RPH3A: variants seen among roughly 807,000 people sequenced by gnomAD.
RPH3A encodes the protein rabphilin-3A.
RPH3A carries 48 observed loss-of-function variants against 102.2 expected under a neutral mutation model. The observed-to-expected ratio is 0.47, with a 90% CI of 0.37 to 0.60. The LOEUF is 0.60. RPH3A is among the 20% of genes least tolerant of loss of function. The pLI is 0.00. For synonymous variants in RPH3A, 310 were observed against 324.3 expected, an observed-to-expected ratio of 0.96 and a Z score of 0.47; for missense variants, 781 against 910.1, an observed-to-expected ratio of 0.86 and a Z score of 1.83.
intron 1 of RPH3A, among the ~76,000 whole-genome samples, chr12:112,595,629 C>A (rs2039511165): frequency 6.6e-6 from 1 of 152,088 alleles, no homozygotes; most frequent in African/African-American, 2.4e-5. Context: ...ACCCCCCTAA[C>A]CACAATAAAA....
chr12:112,643,104 C>T (rs1401127195), intron 1 of RPH3A, among the ~76,000 whole-genome samples: 1 of 152,164 alleles, frequency 6.6e-6, no homozygotes, highest in African/African-American at 2.4e-5. Context: ...GTAACTTGCC[C>T]GAACTCACAC....
intron 1 of RPH3A, among the ~76,000 whole-genome samples, chr12:112,590,339 A>T (rs2039468679): frequency 6.6e-6 from 1 of 152,166 alleles, no homozygotes; most frequent in Non-Finnish European, 1.5e-5. Context: ...CTCGGAGACC[A>T]CCCTGCTGAA....
intron 2 of RPH3A, among the ~76,000 whole-genome samples, chr12:112,805,479 C>T (rs2041441548): frequency 6.6e-6 from 1 of 152,104 alleles, no homozygotes; most frequent in Admixed American, 6.5e-5. Context: ...TTTTTCACTG[C>T]CTGGGAAATG....
intron 1 of RPH3A, among the ~76,000 whole-genome samples, chr12:112,616,367 G>A (rs938988094): frequency 2.6e-5 from 4 of 152,090 alleles, no homozygotes; most frequent in Middle Eastern, 3.2e-3. Flanking sequence ...GGCTGGTCTC[G>A]AACTCCTGAC....
chr12:112,703,698 T>C (rs953604167), intron 1 of RPH3A, among the ~76,000 whole-genome samples: 4 of 152,182 alleles, frequency 2.6e-5, no homozygotes, highest in African/African-American at 9.7e-5. Context: ...ACAGTTTCTT[T>C]ATCTCCCTGT....
intron 1 of RPH3A, among the ~76,000 whole-genome samples, chr12:112,756,641 C>T (rs889784346): frequency 2.0e-5 from 3 of 152,202 alleles, no homozygotes; most frequent in Non-Finnish European, 4.4e-5. Context: ...TTTGGATACA[C>T]TAATCACCTA....
In RPH3A at chr12:112,724,052, ATTTTTTTT is replaced by A. The variant is rs146271090; in HGVS notation, c.-139-68078_-139-68071del. ...CTTAACTTTTTCTTAAATTTTTTTG[ATTTTTTTT>A]TTTTTTTTTTTTGGAGACAGGATCT... On this transcript the variant is annotated intron_variant, in intron 1 of 21. Coordinates refer to the RPH3A transcript ENST00000543106. 5.0e-3 allele frequency among the ~76,000 whole-genome samples: 586 copies of A among 117,326 alleles called. 7 individuals carry two copies. Among genetic ancestry groups the A allele is most frequent in the African/African-American group, 0.018 (558 of 31,150 alleles). 77.0% of individuals were successfully genotyped at this position (117,326 alleles called of 152,430 possible). A position where few individuals can be genotyped will look rare whatever the true frequency, so the allele number is the denominator to read the frequency against.
At position 112,888,072 on chromosome 12, in the gene RPH3A, G is replaced by A. The variant is rs982192913; in HGVS notation, c.1563+149G>A. ...TCTGCAGAGGAGAGTCAAGATTCCA[G>A]CTCACAACCTCAGGCTGCATTCTCT... On this transcript the variant is annotated intron_variant, in intron 17 of 21. Transcript: ENST00000389385. The A allele has an allele frequency of 7.4e-5, 60 of 812,576 alleles. No individual in the cohort carries two copies. The Admixed American group carries it at 1.5e-3, about 21-fold the overall frequency. 50.3% of individuals were successfully genotyped at this position (812,576 alleles called of 1,614,324 possible).
chr12:112,721,765 T>C (rs139230182), intron 1 of RPH3A, among the ~76,000 whole-genome samples: 3 of 152,222 alleles, frequency 2.0e-5, no homozygotes, highest in Non-Finnish European at 4.4e-5. Flanking sequence ...ATTTGAGATA[T>C]GGCCACATTA....
At chr12:112,736,811 G>T (rs572390251) in intron 1 of RPH3A, among the ~76,000 whole-genome samples, 2 of 152,130 alleles carry the variant, frequency 1.3e-5, no homozygotes, top group Admixed American at 1.3e-4. Context: ...TGGACATAGT[G>T]GGGGAATCTC....
In RPH3A at chr12:112,827,759, G is replaced by A. The variant is rs149736168; in HGVS notation, c.-18-542G>A. On this transcript the variant is annotated intron_variant, in intron 2 of 21. Coordinates refer to ENST00000389385, the MANE Select transcript of RPH3A (RefSeq NM_001143854.2). ...ACCGGGGCCTATCCTGGGGTGGGGGGCCAGGGGAGGGAGAGCATTAGAAGG... is the reference window on the plus strand; with the variant it reads ...ACCGGGGCCTATCCTGGGGTGGGGGACCAGGGGAGGGAGAGCATTAGAAGG... 4.6e-5 allele frequency among the ~76,000 whole-genome samples: 7 copies of A among 152,186 alleles called. No homozygotes were observed. The East Asian group carries it at 1.4e-3, about 29-fold the overall frequency.
At chr12:112,694,347 A>C (rs1046555203) in intron 1 of RPH3A, among the ~76,000 whole-genome samples, 1 of 152,068 alleles carries the variant, frequency 6.6e-6, no homozygotes, top group Non-Finnish European at 1.5e-5. Flanking sequence ...GGCAGTGACA[A>C]ATGGGAAAGC....
intron 1 of RPH3A, chr12:112,718,200 G>C (rs2040526775): frequency 6.6e-6 from 1 of 152,206 alleles, no homozygotes. Flanking sequence ...CCCAGGGCTT[G>C]AGAAAGATCT....
At chr12:112,650,226 T>C (rs1266451161) in intron 1 of RPH3A, among the ~76,000 whole-genome samples, 1 of 152,234 alleles carries the variant, frequency 6.6e-6, no homozygotes, top group East Asian at 1.9e-4. Context: ...TCTCTAATTT[T>C]ATCCCCGTTC....
At chr12:112,735,538 A>G (rs1230029761) in intron 1 of RPH3A, among the ~76,000 whole-genome samples, 2 of 152,226 alleles carry the variant, frequency 1.3e-5, no homozygotes, top group African/African-American at 2.4e-5. Context: ...TGGAGTTAAG[A>G]TTTCGGAGGG....
intron 5 of RPH3A, among the ~76,000 whole-genome samples, chr12:112,855,414 G>T (rs745645612): frequency 3.3e-5 from 5 of 152,214 alleles, no homozygotes; most frequent in Admixed American, 6.5e-5. Context: ...AGCATGGACT[G>T]CACTAGCCCA....
At chr12:112,785,492 T>A (rs2041042631) in intron 1 of RPH3A, among the ~76,000 whole-genome samples, 1 of 152,176 alleles carries the variant, frequency 6.6e-6, no homozygotes, top group African/African-American at 2.4e-5. Context: ...CTTTTGGATC[T>A]CAGCACAATG....
chr12:112,734,165 C>T (rs1250043834), intron 1 of RPH3A, among the ~76,000 whole-genome samples: 1 of 152,160 alleles, frequency 6.6e-6, no homozygotes, highest in Non-Finnish European at 1.5e-5. Flanking sequence ...TAAGATTGTA[C>T]TACCATATTT....
chr12:112,700,631 C>T (rs1406901580), intron 1 of RPH3A, among the ~76,000 whole-genome samples: 1 of 152,236 alleles, frequency 6.6e-6, no homozygotes, highest in East Asian at 1.9e-4. Context: ...TGGACATTTT[C>T]CACATGCTCT....
Sources: gnomAD v4.1 joint callset for allele counts (sites outside exome capture counted in the v4.1 genomes callset) on GRCh38, gnomAD v4.1.1 for gene constraint, MANE v1.5 for transcripts, NCBI Gene and HGNC (gene_info 2026-07-23, HGNC 2026-07-21) for gene names.